Variants in ARHGAP5 observed in about 807,000 individuals in gnomAD.
ARHGAP5 encodes the protein rho GTPase-activating protein 5.
In ARHGAP5, 23 loss-of-function variants were observed where a neutral mutation model predicts 116.6. The ratio of observed to expected loss-of-function variants is 0.20; its 90% confidence interval spans 0.14 to 0.28. The LOEUF is 0.28. Among genes scored for constraint, ARHGAP5 ranks in the 10% least tolerant of loss-of-function variants. The pLI is 1.00. For missense variants in ARHGAP5, 1,405 were observed against 1,774.8 expected (o/e 0.79, Z 3.74); for synonymous variants, 574 against 602.0 (o/e 0.95, Z 0.68).
chr14:32,117,699 T>G (rs763627753), intron 3 of ARHGAP5, among the ~76,000 whole-genome samples: 13 of 152,212 alleles, frequency 8.5e-5, no homozygotes, highest in Non-Finnish European at 1.3e-4. Flanking sequence ...ACAGCAATAG[T>G]TGTAAATGCG....
intron 2 of ARHGAP5, among the ~76,000 whole-genome samples, chr14:32,102,083 T>C (rs953200024): frequency 6.6e-6 from 1 of 152,254 alleles, no homozygotes; most frequent in Admixed American, 6.5e-5. Flanking sequence ...AACAAAGTCT[T>C]GAAGTGCTTG....
intron 3 of ARHGAP5, among the ~76,000 whole-genome samples, chr14:32,136,979 T>G (rs1439985227): frequency 6.6e-6 from 1 of 152,018 alleles, no homozygotes. Context: ...GTACTGGACT[T>G]TTATCAGGTA....
At chr14:32,118,024 G>A (rs1373834983) in intron 3 of ARHGAP5, among the ~76,000 whole-genome samples, 1 of 151,996 alleles carries the variant, frequency 6.6e-6, no homozygotes, top group Non-Finnish European at 1.5e-5. Context: ...AGTCAGTTTT[G>A]GCTTTGTTAC....
rs757783361 is a variant in ARHGAP5, at chr14:32,117,268, G to A, written c.3846G>A (p.Val1282=). ...KPIPLFVEKC[V]EFIEDTGLCT... ...TACCACTATTTGTTGAGAAATGTGT[G>A]GAATTTATTGAAGATACAGGTAGGA... The change falls in exon 3 of 7, where the codon GTG becomes GTA. Residue 1282 remains valine, a synonymous_variant. Transcript: ENST00000345122. 1 of 1,601,840 alleles carries A rather than the reference G, an allele frequency of 6.2e-7. No individual in the cohort carries two copies. Among genetic ancestry groups the A allele is most frequent in the Non-Finnish European group, 8.5e-7 (1 of 1,172,998 alleles).
At position 32,146,357 on chromosome 14, in the gene ARHGAP5, G is replaced by A. The variant is rs760700717; in HGVS notation, c.3943+17G>A. On this transcript the variant is annotated intron_variant, in intron 4 of 6. Coordinates refer to ENST00000345122, the MANE Select transcript of ARHGAP5 (RefSeq NM_001030055.2). Reference sequence around the variant, plus strand: ...TTGATCAAGGTAAGAAGATGATTATGTGAAATAAAAATTGTTGTTTTATGT... The same window carrying A: ...TTGATCAAGGTAAGAAGATGATTATATGAAATAAAAATTGTTGTTTTATGT... 3.2e-6 allele frequency: 5 copies of A among 1,571,356 alleles called. No individual in the cohort carries two copies. Among genetic ancestry groups the A allele is most frequent in the Non-Finnish European group, 4.4e-6 (5 of 1,145,458 alleles).
chr14:32,105,115 C>CT (rs1878951880), intron 2 of ARHGAP5, among the ~76,000 whole-genome samples: 1 of 152,088 alleles, frequency 6.6e-6, no homozygotes, highest in Non-Finnish European at 1.5e-5. Flanking sequence ...GTGTAGGAGA[C>CT]TATGTCTTGA....
At chr14:32,095,696 T>A in intron 2 of ARHGAP5, among the ~76,000 whole-genome samples, 1 of 152,190 alleles carries the variant, frequency 6.6e-6, no homozygotes, top group East Asian at 1.9e-4. Context: ...ATTACAGGCG[T>A]GAGCCACCGC....
chr14:32,108,824 GA>G (rs1284862223), intron 2 of ARHGAP5, among the ~76,000 whole-genome samples: 1 of 152,036 alleles, frequency 6.6e-6, no homozygotes, highest in African/African-American at 2.4e-5. Flanking sequence ...TGATGTTATA[GA>G]AATGGGATTA....
chr14:32,125,109 C>G (rs1168387217), intron 3 of ARHGAP5, among the ~76,000 whole-genome samples: 1 of 152,072 alleles, frequency 6.6e-6, no homozygotes, highest in Non-Finnish European at 1.5e-5. Context: ...TCATCTAGTT[C>G]CAGAACATTT....
Position 32,091,182 on chromosome 14 carries a change from G to A in ARHGAP5, c.513G>A (p.Arg171=), listed in dbSNP as rs1186250709. 1.2e-6 allele frequency: 2 copies of A among 1,613,312 alleles called. No individual in the cohort carries two copies. Among genetic ancestry groups the A allele is most frequent in the African/African-American group, 2.7e-5 (2 of 74,892 alleles). ...LCIDVSQGCN[R]KFDDQLKFVN... ...TTGATGTAAGTCAAGGATGCAATAG[G>A]AAGTTTGATGATCAACTTAAATTTG... The change falls in exon 2 of 7, where the codon AGG becomes AGA. Residue 171 remains arginine (R), a synonymous_variant. Transcript: ENST00000345122.
intron 3 of ARHGAP5, among the ~76,000 whole-genome samples, chr14:32,138,012 A>G (rs992055841): frequency 6.6e-6 from 1 of 151,858 alleles, no homozygotes; most frequent in Admixed American, 6.6e-5. Context: ...CAATCCACAA[A>G]CACAGGATAT....
intron 6 of ARHGAP5, 73 bp from the exon 7 acceptor site, chr14:32,154,548 C>G (rs1023699809): frequency 2.4e-6 from 3 of 1,238,822 alleles, no homozygotes; most frequent in East Asian, 2.3e-5. Context: ...AATCTGAGAT[C>G]ATTTCTAGCT....
In ARHGAP5 at chr14:32,090,863, G is replaced by A. The variant is rs373505990; in HGVS notation, c.194G>A (p.Arg65Gln). ...CTTAGCACCATTGACTTTGGAGGAC[G>A]AGTAGTAAACAATGATCACTTTTTG... is the stretch of plus-strand genomic sequence containing the variant. ...SVLSTIDFGGRVVNNDHFLYW... is the reference protein window; with the variant it reads ...SVLSTIDFGGQVVNNDHFLYW... Residue 65 changes from arginine to glutamine, a missense_variant, in exon 2 of 7, where the codon CGA becomes CAA. Physicochemically the swap from Arg to Gln is conservative, Grantham distance 43 (BLOSUM62 1). Coordinates refer to ENST00000345122, the MANE Select transcript of ARHGAP5 (RefSeq NM_001030055.2). 5 of 1,613,466 alleles carry A rather than the reference G, an allele frequency of 3.1e-6. No homozygotes were observed. Among genetic ancestry groups the A allele is most frequent in the Middle Eastern group, 1.6e-4 (1 of 6,084 alleles).
At chr14:32,142,543 C>A (rs1881174859) in intron 3 of ARHGAP5, among the ~76,000 whole-genome samples, 2 of 152,114 alleles carry the variant, frequency 1.3e-5, no homozygotes, top group Non-Finnish European at 2.9e-5. Flanking sequence ...ATATCTGGAG[C>A]CAAGGGAAAA....
At chr14:32,153,528 A>C (rs1221712156) in intron 6 of ARHGAP5, among the ~76,000 whole-genome samples, 5 of 119,476 alleles carry the variant, frequency 4.2e-5, no homozygotes, top group Non-Finnish European at 8.2e-5. Context: ...GCTGGAGTTC[A>C]GTGGCATGAT....
intron 3 of ARHGAP5, among the ~76,000 whole-genome samples, chr14:32,142,268 T>G (rs1467950442): frequency 2.0e-5 from 3 of 152,290 alleles, no homozygotes; most frequent in African/African-American, 7.2e-5. Flanking sequence ...TCTAAATTTC[T>G]TTTTTTCCTG....
At position 32,092,783 on chromosome 14, in the gene ARHGAP5, A is replaced by T. The variant is rs1392993664; in HGVS notation, c.2114A>T (p.Asp705Val). Residue 705 changes from aspartate (D) to valine (V), a missense_variant, in exon 2 of 7, where the codon GAT becomes GTT. This residue lies in a region of ARHGAP5 where 944 missense variants were observed against 1,095.3 expected (regional missense o/e 0.86). Transcript: ENST00000345122. The surrounding 1 kb of genome is among the most constrained non-coding windows in gnomAD (Gnocchi z 4.1). Reference protein sequence around the residue: ...PFTLILANQRDSISKNLPILR... With the variant: ...PFTLILANQRVSISKNLPILR... ...ACATTAATTCTGGCTAATCAGAGAGATTCCATTAGTAAGAATCTACCAATT... is the reference window on the plus strand; with the variant it reads ...ACATTAATTCTGGCTAATCAGAGAGTTTCCATTAGTAAGAATCTACCAATT... 2 of 1,613,924 alleles carry T rather than the reference A, an allele frequency of 1.2e-6. No homozygotes were observed. Among genetic ancestry groups the T allele is most frequent in the Non-Finnish European group, 1.7e-6 (2 of 1,179,934 alleles).
chr14:32,078,625 G>C (rs1379127291), intron 1 of ARHGAP5, among the ~76,000 whole-genome samples: 3 of 152,040 alleles, frequency 2.0e-5, no homozygotes, highest in Non-Finnish European at 4.4e-5. Flanking sequence ...GGCGGGGGGC[G>C]AGTTTGTCAA....
Position 32,092,114 on chromosome 14 carries a change from T to A in ARHGAP5, c.1445T>A (p.Ile482Lys). 2 of 1,613,826 alleles carry A rather than the reference T, an allele frequency of 1.2e-6. No individual in the cohort carries two copies. Among genetic ancestry groups the A allele is most frequent in the Non-Finnish European group, 1.7e-6 (2 of 1,179,806 alleles). ...KEVYGRHQREIVEKAKEEFQE... is the reference protein window; with the variant it reads ...KEVYGRHQREKVEKAKEEFQE... ...GTATATGGTAGGCATCAGCGAGAAA[T>A]AGTTGAAAAAGCCAAAGAAGAGTTT... The change falls in exon 2 of 7, where the codon ATA becomes AAA. Residue 482 changes from isoleucine (I) to lysine (K), a missense_variant. By Grantham distance (102) the Ile-to-Lys change is moderately radical. This residue lies in a region of ARHGAP5 where 944 missense variants were observed against 1,095.3 expected (regional missense o/e 0.86). Transcript: ENST00000345122. This position sits in a 1 kb window ranked among gnomAD's most constrained non-coding sequence, Gnocchi z 4.1.
Sources: gnomAD v4.1 joint callset for allele counts (sites outside exome capture counted in the v4.1 genomes callset) on GRCh38, gnomAD v4.1.1 for gene constraint, gnomAD v4.1.1 regional missense constraint, Gnocchi (gnomAD v3.1) non-coding constraint, MANE v1.5 for transcripts, NCBI Gene and HGNC (gene_info 2026-07-23, HGNC 2026-07-21) for gene names.